ST7L: variants seen among roughly 807,000 people sequenced by gnomAD.
The protein encoded by ST7L is suppressor of tumorigenicity 7 protein-like.
ST7L carries 57 observed loss-of-function variants against 72.5 expected under a neutral mutation model. The ratio of observed to expected loss-of-function variants is 0.79; its 90% CI spans 0.64 to 0.98. ST7L has a LOEUF of 0.98. Ranked by LOEUF, ST7L falls within the 50% of genes least tolerant of loss-of-function variation. The pLI is 0.00. For synonymous variants in ST7L, 221 were observed against 240.9 expected (o/e 0.92, Z 0.77); for missense variants, 576 against 672.2 (o/e 0.86, Z 1.58).
rs1307913463 is a variant in ST7L at position 112,524,098 on chromosome 1, G to C, written c.*1915C>G. 6.6e-6 allele frequency: 1 copy of C among 152,312 alleles called. No individual in the cohort carries two copies. The highest frequency in any genetic ancestry group is 1.5e-5 in the Non-Finnish European group (1 of 67,994). The allele number at this position is 152,312 out of a possible 1,614,324, so 9.4% of individuals were successfully genotyped here. Reference sequence around the variant, plus strand: ...TAGATCTAATTTCTGAACACTCACTGCTTCATTTCTATTCCTCCTGTTGCA... The same window carrying C: ...TAGATCTAATTTCTGAACACTCACTCCTTCATTTCTATTCCTCCTGTTGCA... On this transcript the variant is annotated 3_prime_UTR_variant, in exon 15 of 15. Coordinates refer to ENST00000358039, the MANE Select transcript of ST7L (RefSeq NM_017744.5).
chr1:112,599,074 ATATATATATATAT>A lies in ST7L; in HGVS notation c.507-1001_507-989del, dbSNP rs1489878644. Among the ~76,000 whole-genome samples the A allele has an allele frequency of 1.2e-3, 49 of 40,278 alleles. 4 individuals carry two copies. In the South Asian group the frequency reaches 0.021, roughly 17 times the overall value. The allele number at this position is 40,278 out of a possible 152,430, so 26.4% of individuals were successfully genotyped here. Reference sequence around the variant, plus strand: ...GACTCAGCCTCAAAAAAAAAAAAAAATATATATATATATATATATATATATATATATATATATG... The same window carrying A: ...GACTCAGCCTCAAAAAAAAAAAAAAAATATATATATATATATATATATATG... On this transcript the variant is annotated intron_variant, in intron 4 of 14. Coordinates refer to ENST00000358039, the MANE Select transcript of ST7L (RefSeq NM_017744.5).
intron 5 of ST7L, 32 bp downstream of exon 5, chr1:112,597,939 C>CT (rs1276191512): frequency 4.6e-6 from 7 of 1,510,616 alleles, no homozygotes; most frequent in Non-Finnish European, 6.4e-6. Context: ...TTCATGATCA[C>CT]TGTTTATACT....
At chr1:112,551,228 A>C (rs1658113846) in intron 12 of ST7L, among the ~76,000 whole-genome samples, 1 of 141,892 alleles carries the variant, frequency 7.0e-6, no homozygotes, top group African/African-American at 2.7e-5. Flanking sequence ...GGCTCACTAC[A>C]AGCTCTGCCT....
At position 112,609,752 on chromosome 1, in the gene ST7L, G is replaced by A. The variant is rs540365473; in HGVS notation, c.451+1089C>T. 2.0e-5 allele frequency among the ~76,000 whole-genome samples: 3 copies of A among 152,194 alleles called. No individual in the cohort carries two copies. In the South Asian group the frequency reaches 6.2e-4, roughly 32 times the overall value. On this transcript the variant is annotated intron_variant, in intron 3 of 14. Coordinates refer to ENST00000358039, the MANE Select transcript of ST7L (RefSeq NM_017744.5). Reference sequence around the variant, plus strand: ...GCAGGAGAATCATTTGAACTTGGAAGGAGAGGTTGCAGTGAGCCGAGATCG... The same window carrying A: ...GCAGGAGAATCATTTGAACTTGGAAAGAGAGGTTGCAGTGAGCCGAGATCG...
chr1:112,606,820 G>A (rs188069433), intron 3 of ST7L, among the ~76,000 whole-genome samples: 98 of 152,240 alleles, frequency 6.4e-4, no homozygotes, highest in South Asian at 5.8e-3. Context: ...TTGCATGGCA[G>A]AGAGACAGCA....
chr1:112,525,847 T>C lies in ST7L; in HGVS notation c.*166A>G. On this transcript the variant is annotated 3_prime_UTR_variant, in exon 15 of 15. Transcript: ENST00000358039. Reference sequence around the variant, plus strand: ...CTTTTTGACAGCTTCCAAGGGGGGTTTGCCTAGGAATAACAATATTCATAA... The same window carrying C: ...CTTTTTGACAGCTTCCAAGGGGGGTCTGCCTAGGAATAACAATATTCATAA... 2 of 882,384 alleles carry C rather than the reference T, an allele frequency of 2.3e-6. No homozygotes were observed. The highest frequency in any genetic ancestry group is 3.2e-6 in the Non-Finnish European group (2 of 620,170). 54.7% of individuals were successfully genotyped at this position (882,384 alleles called of 1,614,324 possible).
At chr1:112,553,039 C>T (rs6696991) in intron 12 of ST7L, among the ~76,000 whole-genome samples, 45,554 of 151,074 alleles carry the variant, frequency 0.3, 7,608 homozygotes, top group African/African-American at 0.44. Flanking sequence ...ATGAGTGAGA[C>T]AGAATATCTG....
At chr1:112,549,034 C>G (rs773614774) in intron 13 of ST7L, among the ~76,000 whole-genome samples, 1 of 150,544 alleles carries the variant, frequency 6.6e-6, no homozygotes, top group African/African-American at 2.5e-5. Context: ...TGTGAAAAAT[C>G]CCTCCTGGGA....
At chr1:112,526,317 G>T in intron 14 of ST7L, 1 of 508,188 alleles carries the variant, frequency 2.0e-6, no homozygotes, top group Admixed American at 3.4e-5. Flanking sequence ...AACAACTCTG[G>T]CTCCTAATTC....
chr1:112,542,747 C>A (rs1025622010), intron 13 of ST7L, among the ~76,000 whole-genome samples: 4 of 142,838 alleles, frequency 2.8e-5, no homozygotes, highest in Non-Finnish European at 6.0e-5. Context: ...AGACCTGTCT[C>A]TAAATAAATA....
At position 112,556,966 on chromosome 1, in the gene ST7L, C is replaced by CAAAAAAAAA. The variant is rs60106072; in HGVS notation, c.1246-957_1246-949dup. 1.5e-3 allele frequency among the ~76,000 whole-genome samples: 76 copies of CAAAAAAAAA among 49,506 alleles called. 2 individuals are homozygous for CAAAAAAAAA. The highest frequency in any genetic ancestry group is 3.0e-3 in the African/African-American group (44 of 14,668). 32.5% of individuals were successfully genotyped at this position (49,506 alleles called of 152,430 possible). Reference sequence around the variant, plus strand: ...CTGGCGACAGAGCGAGACTCTGTCTCAAAAAAAAAAAAAAAAAACAAAAAA... The same window carrying CAAAAAAAAA: ...CTGGCGACAGAGCGAGACTCTGTCTCAAAAAAAAAAAAAAAAAAAAAAAAAAACAAAAAA... On this transcript the variant is annotated intron_variant, in intron 11 of 14. Transcript: ENST00000358039.
intron 3 of ST7L, among the ~76,000 whole-genome samples, chr1:112,604,212 G>C (rs1356778707): frequency 1.3e-5 from 2 of 152,162 alleles, no homozygotes; most frequent in Admixed American, 6.5e-5. Context: ...GGGAGGCTGA[G>C]GCACAAGAAT....
At chr1:112,587,118 T>C (rs567056193) in intron 6 of ST7L, among the ~76,000 whole-genome samples, 2 of 152,348 alleles carry the variant, frequency 1.3e-5, no homozygotes, top group South Asian at 2.1e-4. Flanking sequence ...TTTGTCCCTA[T>C]GCTTTCTTCT....
Position 112,574,658 on chromosome 1 carries a change from CA to C in ST7L, c.1245+2327del, listed in dbSNP as rs202121446. 1.3e-4 allele frequency among the ~76,000 whole-genome samples: 16 copies of C among 122,646 alleles called. 1 individual carries two copies. The highest frequency in any genetic ancestry group is 4.8e-4 in the East Asian group (2 of 4,174). 80.5% of individuals were successfully genotyped at this position (122,646 alleles called of 152,430 possible). On this transcript the variant is annotated intron_variant, in intron 11 of 14. Coordinates refer to ENST00000358039, the MANE Select transcript of ST7L (RefSeq NM_017744.5). The stretch of plus-strand genomic sequence containing the variant: ...TGGGCGACAGAACAAGACTCCGTCT[CA>C]AAAAAAAAAGAAAAAAAATCCATAA...
chr1:112,525,977 G>A lies in ST7L; in HGVS notation c.*36C>T. 1 of 1,611,908 alleles carries A rather than the reference G, an allele frequency of 6.2e-7. No homozygotes were observed. The highest frequency in any genetic ancestry group is 1.1e-5 in the South Asian group (1 of 90,888). ...TTACAGATGCTGTTCAGAAAAATTT[G>A]GTGATTTGTCCAAGGTCACATGAAC... On this transcript the variant is annotated 3_prime_UTR_variant, in exon 15 of 15. Coordinates refer to ENST00000358039, the MANE Select transcript of ST7L (RefSeq NM_017744.5).
chr1:112,575,278 T>G (rs12406906), intron 11 of ST7L, among the ~76,000 whole-genome samples: 35,802 of 151,966 alleles, frequency 0.24, 4,369 homozygotes, highest in Middle Eastern at 0.27. Context: ...TTATCCTCAG[T>G]ACATATGTTT....
chr1:112,613,156 A>G (rs1466535343), intron 2 of ST7L, among the ~76,000 whole-genome samples: 1 of 152,178 alleles, frequency 6.6e-6, no homozygotes, highest in African/African-American at 2.4e-5. Flanking sequence ...ATCAAGGGCA[A>G]CAACAACACA....
chr1:112,519,872 C>CTTTTTTTTTTTT (rs71081244), downstream of ST7L, among the ~76,000 whole-genome samples: 2 of 115,650 alleles, frequency 1.7e-5, no homozygotes, highest in Non-Finnish European at 1.8e-5. Context: ...GCCCATGCTT[C>CTTTTTTTTTTTT]TTTTTTTTTT....
chr1:112,536,513 C>T (rs1235317225), intron 14 of ST7L, among the ~76,000 whole-genome samples: 1 of 151,958 alleles, frequency 6.6e-6, no homozygotes, highest in Non-Finnish European at 1.5e-5. Context: ...AGACACTTGG[C>T]ATTTATATCT....
Sources: allele counts gnomAD v4.1 joint callset (sites outside exome capture counted in the v4.1 genomes callset), GRCh38; gene constraint gnomAD v4.1.1; transcripts MANE v1.5; gene names NCBI Gene and HGNC (gene_info 2026-07-23, HGNC 2026-07-21).